The following NR6A1 variants were observed in gnomAD, a reference collection of about 807,000 sequenced individuals.
NR6A1 encodes the protein retinoic acid receptor-related testis-associated receptor.
NR6A1 carries 7 observed loss-of-function variants against 59.1 expected under a neutral mutation model. The observed-to-expected ratio is 0.12, with a 90% CI of 0.07 to 0.22. The LOEUF (loss-of-function observed/expected upper bound fraction) is 0.22. NR6A1 is among the 10% of genes least tolerant of loss of function. The pLI is 1.00. For synonymous variants in NR6A1, 243 were observed against 236.1 expected (o/e 1.03, Z -0.27); for missense variants, 468 against 611.6 (o/e 0.77, Z 2.48).
chr9:124,715,887 A>C (rs893856200), intron 2 of NR6A1, among the ~76,000 whole-genome samples: 1 of 152,202 alleles, frequency 6.6e-6, no homozygotes, highest in Admixed American at 6.5e-5. Context: ...TAGACTCACA[A>C]TTATTTTTCA....
At chr9:124,599,625 G>GA in intron 2 of NR6A1, 18 of 1,172,594 alleles carry the variant, frequency 1.5e-5, no homozygotes, top group Non-Finnish European at 1.9e-5. Flanking sequence ...GGTCGTCGCC[G>GA]GCTCCGCGGC....
intron 2 of NR6A1, among the ~76,000 whole-genome samples, chr9:124,627,174 T>C (rs1836268157): frequency 1.3e-5 from 2 of 152,184 alleles, no homozygotes; most frequent in African/African-American, 2.4e-5. Flanking sequence ...TCCTATTTCT[T>C]AAAATGACAA....
intron 2 of NR6A1, among the ~76,000 whole-genome samples, chr9:124,677,107 GA>G (rs529472051): frequency 5.4e-5 from 8 of 149,332 alleles, no homozygotes; most frequent in East Asian, 2.0e-4. Flanking sequence ...GGTTAAAGAA[GA>G]AAAAAAAAGG....
At chr9:124,555,108 T>G (rs1485982072) in intron 2 of NR6A1, among the ~76,000 whole-genome samples, 1 of 152,184 alleles carries the variant, frequency 6.6e-6, no homozygotes, top group Non-Finnish European at 1.5e-5. Flanking sequence ...AAGCTTACAC[T>G]CTAGCAGAGT....
At position 124,540,115 on chromosome 9, in the gene NR6A1, G is replaced by A. The variant is rs747623684; in HGVS notation, c.514C>T (p.His172Tyr). ...FEEEANHWSN[H>Y]GDSDHSSPGN... ...GGGGAACTGTGGTCACTATCACCAT[G>A]GTTGCTCCAGTGATTGGCCTCTTCC... The change falls in exon 5 of 10, where the codon CAT becomes TAT. Residue 172 changes from histidine (H) to tyrosine (Y), a missense_variant. By Grantham distance (83) the His-to-Tyr change is moderately conservative (BLOSUM62 2). Coordinates refer to ENST00000487099, the MANE Select transcript of NR6A1 (RefSeq NM_033334.4). 5 of 1,613,684 alleles carry A rather than the reference G, an allele frequency of 3.1e-6. No homozygotes were observed. The highest frequency in any genetic ancestry group is 1.1e-5 in the South Asian group (1 of 91,044).
At chr9:124,540,003 T>TAACCTTTAAGG in intron 5 of NR6A1, 30 bp downstream of exon 5, 1 of 1,571,298 alleles carries the variant, frequency 6.4e-7, no homozygotes, top group African/African-American at 1.4e-5. Flanking sequence ...GATCCCTAGA[T>TAACCTTTAAGG]GATGACCATG....
intron 1 of NR6A1, among the ~76,000 whole-genome samples, chr9:124,738,074 TA>T (rs1479714434): frequency 6.6e-6 from 1 of 152,000 alleles, no homozygotes; most frequent in African/African-American, 2.4e-5. Context: ...GCCAACATAG[TA>T]AAACCCCGTT....
intron 2 of NR6A1, among the ~76,000 whole-genome samples, chr9:124,656,257 C>T (rs1228858297): frequency 6.6e-6 from 1 of 152,180 alleles, no homozygotes; most frequent in African/African-American, 2.4e-5. Context: ...GAAGCTGGTG[C>T]CATGCTTCTT....
At chr9:124,605,915 T>C (rs554118400) in intron 2 of NR6A1, among the ~76,000 whole-genome samples, 2 of 152,368 alleles carry the variant, frequency 1.3e-5, no homozygotes, top group South Asian at 4.1e-4. Flanking sequence ...TGGCTTATTT[T>C]AGTAGCTTCC....
intron 1 of NR6A1, among the ~76,000 whole-genome samples, chr9:124,744,679 G>A (rs1478747824): frequency 6.6e-6 from 1 of 152,206 alleles, no homozygotes; most frequent in East Asian, 1.9e-4. Flanking sequence ...AATCCAAGAT[G>A]CCTGTCAGAA....
rs554759535 is a variant in NR6A1, at chr9:124,633,838, T to C, written c.143-79268A>G. On this transcript the variant is annotated intron_variant, in intron 2 of 9. Coordinates refer to ENST00000487099, the MANE Select transcript of NR6A1 (RefSeq NM_033334.4). ...ATCTGAGCAATGAGATTAACCTCCA[T>C]GTGGACTGCCTATACCTCAGAGAGA... Among the ~76,000 whole-genome samples the C allele has an allele frequency of 2.6e-4, 40 of 152,370 alleles. No homozygotes were observed. In the South Asian group the frequency reaches 2.7e-3, roughly 10 times the overall value.
At chr9:124,630,678 T>C (rs1348996801) in intron 2 of NR6A1, among the ~76,000 whole-genome samples, 1 of 134,580 alleles carries the variant, frequency 7.4e-6, no homozygotes, top group Non-Finnish European at 1.6e-5. Flanking sequence ...TTCTTTTTTT[T>C]TTTTTTTTTT....
chr9:124,667,588 A>G (rs571077286), intron 2 of NR6A1, among the ~76,000 whole-genome samples: 2 of 152,296 alleles, frequency 1.3e-5, no homozygotes, highest in South Asian at 4.1e-4. Flanking sequence ...CTCTAGTAGT[A>G]TTACTATTTC....
chr9:124,745,984 T>C (rs1448724877), intron 1 of NR6A1, among the ~76,000 whole-genome samples: 3 of 118,286 alleles, frequency 2.5e-5, no homozygotes, highest in Middle Eastern at 4.8e-3. Context: ...CCAGACTCTG[T>C]CTCAAAAAAA....
At chr9:124,538,709 C>A (rs1416967460) in intron 5 of NR6A1, among the ~76,000 whole-genome samples, 1 of 151,948 alleles carries the variant, frequency 6.6e-6, no homozygotes, top group East Asian at 1.9e-4. Flanking sequence ...CAGGCTAAGT[C>A]CTGGCTAGGC....
chr9:124,626,586 T>C (rs1024826962), intron 2 of NR6A1, among the ~76,000 whole-genome samples: 2 of 152,210 alleles, frequency 1.3e-5, no homozygotes, highest in Admixed American at 1.3e-4. Flanking sequence ...TATATATATT[T>C]CCAAAAGTCA....
chr9:124,678,059 T>C (rs1410330668), intron 2 of NR6A1, among the ~76,000 whole-genome samples: 1 of 152,240 alleles, frequency 6.6e-6, no homozygotes, highest in East Asian at 1.9e-4. Flanking sequence ...GTAATGAGTA[T>C]AGATTTCTAA....
chr9:124,590,186 G>C lies in NR6A1; in HGVS notation c.143-35616C>G, dbSNP rs111310393. The stretch of plus-strand genomic sequence containing the variant: ...GCTAATGGTAAATAGGATGCTAACA[G>C]AGAAACAGAAAAATGAGGTTTCGAC... On this transcript the variant is annotated intron_variant, in intron 2 of 9. Coordinates refer to ENST00000487099, the MANE Select transcript of NR6A1 (RefSeq NM_033334.4). 6.1e-4 allele frequency among the ~76,000 whole-genome samples: 91 copies of C among 148,792 alleles called. 1 individual carries two copies. The South Asian group carries it at 0.019, about 31-fold the overall frequency.
chr9:124,605,033 TA>T (rs1835542162), intron 2 of NR6A1, among the ~76,000 whole-genome samples: 1 of 151,974 alleles, frequency 6.6e-6, no homozygotes, highest in Admixed American at 6.6e-5. Flanking sequence ...TGCTAACCAT[TA>T]CAAAAAGAAA....
Sources: gnomAD v4.1 joint callset for allele counts (sites outside exome capture counted in the v4.1 genomes callset) on GRCh38, gnomAD v4.1.1 for gene constraint, MANE v1.5 for transcripts, NCBI Gene and HGNC (gene_info 2026-07-23, HGNC 2026-07-21) for gene names.